TMEM178B: variants seen among roughly 807,000 people sequenced by gnomAD.
The protein encoded by TMEM178B is transmembrane protein 178B.
Under a neutral mutation model 31.0 loss-of-function variants are expected in TMEM178B, and 5 were observed. The ratio of observed to expected loss-of-function variants is 0.16; its 90% CI spans 0.08 to 0.34. The LOEUF (loss-of-function observed/expected upper bound fraction) is 0.34, where lower values mean the gene tolerates loss of function less well. Among genes scored for constraint, TMEM178B ranks in the 10% least tolerant of loss-of-function variants. TMEM178B has a pLI of 1.00. For missense variants in TMEM178B, 275 were observed against 400.3 expected, an observed-to-expected ratio of 0.69 and a Z score of 2.67; for synonymous variants, 164 against 164.0, an observed-to-expected ratio of 1.00 and a Z score of 0.00.
At chr7:141,288,568 C>G (rs778185020) in intron 2 of TMEM178B, among the ~76,000 whole-genome samples, 1 of 152,080 alleles carries the variant, frequency 6.6e-6, no homozygotes, top group African/African-American at 2.4e-5. Context: ...TCTGGCATCT[C>G]TCTTACATCT....
At chr7:141,154,734 T>G (rs1399926017) in intron 1 of TMEM178B, among the ~76,000 whole-genome samples, 1 of 150,902 alleles carries the variant, frequency 6.6e-6, no homozygotes, top group African/African-American at 2.4e-5. Context: ...TTGTTAACTT[T>G]TTTTTTTTTT....
chr7:141,501,797 C>T, the TMEM178B span, among the ~76,000 whole-genome samples: 1 of 152,126 alleles, frequency 6.6e-6, no homozygotes. Context: ...TTTGGACTTG[C>T]CCCAGCCTCC....
At chr7:141,083,853 G>T (rs965376636) in intron 1 of TMEM178B, among the ~76,000 whole-genome samples, 3 of 150,588 alleles carry the variant, frequency 2.0e-5, no homozygotes, top group Non-Finnish European at 4.4e-5. Flanking sequence ...GGAATACTTC[G>T]TAGCCAAGGC....
intron 2 of TMEM178B, among the ~76,000 whole-genome samples, chr7:141,398,604 A>G (rs1201905464): frequency 1.3e-5 from 2 of 152,214 alleles, no homozygotes; most frequent in Admixed American, 6.5e-5. Flanking sequence ...TCACTGGGAC[A>G]TCTGCAAGAG....
chr7:141,117,558 G>A (rs1795339020), intron 1 of TMEM178B, among the ~76,000 whole-genome samples: 1 of 152,102 alleles, frequency 6.6e-6, no homozygotes, highest in Admixed American at 6.6e-5. Context: ...ATTGCTTTTG[G>A]TGTTTTAGTC....
At chr7:141,346,316 G>A (rs906933645) in intron 2 of TMEM178B, among the ~76,000 whole-genome samples, 2 of 152,088 alleles carry the variant, frequency 1.3e-5, no homozygotes, top group African/African-American at 2.4e-5. Context: ...ATAGAAAATT[G>A]GATAGAGAAA....
intron 2 of TMEM178B, among the ~76,000 whole-genome samples, chr7:141,393,919 C>T (rs1486511937): frequency 6.6e-6 from 1 of 152,082 alleles, no homozygotes; most frequent in East Asian, 1.9e-4. Context: ...TATTTCTTTT[C>T]TTCTTTAGAC....
Position 141,471,862 on chromosome 7 carries a change from T to G in TMEM178B, c.*1076T>G, listed in dbSNP as rs1237665040. On this transcript the variant is annotated 3_prime_UTR_variant, in exon 4 of 4. Coordinates refer to ENST00000565468, the MANE Select transcript of TMEM178B (RefSeq NM_001195278.2). The surrounding 1 kb of genome is among the most constrained non-coding windows in gnomAD (Gnocchi z 4.1). ...TGGGGTTTTATTGTTTGTGTTGTGT[T>G]TTTTTAAATTGTTTCTGGTATAGCT... 6.6e-6 allele frequency: 1 copy of G among 152,082 alleles called. No individual in the cohort carries two copies. Among genetic ancestry groups the G allele is most frequent in the Non-Finnish European group, 1.5e-5 (1 of 68,192 alleles). The allele number at this position is 152,082 out of a possible 1,614,324, so 9.4% of individuals were successfully genotyped here. A position where few individuals can be genotyped will look rare whatever the true frequency, so the allele number is the denominator to read the frequency against.
Position 141,171,675 on chromosome 7 carries a change from C to T in TMEM178B, c.383-40916C>T, listed in dbSNP as rs1273197087. 6.6e-6 allele frequency among the ~76,000 whole-genome samples: 1 copy of T among 152,166 alleles called. No individual in the cohort carries two copies. The highest frequency in any genetic ancestry group is 1.9e-4 in the East Asian group (1 of 5,192). On this transcript the variant is annotated intron_variant, in intron 1 of 3. Transcript: ENST00000565468. This position sits in a 1 kb window ranked among gnomAD's most constrained non-coding sequence, Gnocchi z 4.3. ...GACAGAGGGGATGGCTGTGGTGTCA[C>T]AGCAGAGAGCCAGCAGACAAAGACA...
chr7:141,190,877 A>G (rs961818023), intron 1 of TMEM178B, among the ~76,000 whole-genome samples: 1 of 152,130 alleles, frequency 6.6e-6, no homozygotes, highest in African/African-American at 2.4e-5. Flanking sequence ...GCATATACCT[A>G]TTCATCTATA....
intron 1 of TMEM178B, among the ~76,000 whole-genome samples, chr7:141,082,015 C>G (rs1390013062): frequency 1.3e-5 from 2 of 152,192 alleles, no homozygotes; most frequent in African/African-American, 2.4e-5. Context: ...GTTATAATTG[C>G]CTACAGTATT....
downstream of TMEM178B, among the ~76,000 whole-genome samples, chr7:141,482,379 T>A (rs931445076): frequency 1.3e-5 from 2 of 152,202 alleles, no homozygotes; most frequent in Admixed American, 6.5e-5. Flanking sequence ...CTCATGGTGC[T>A]TAGCACCTCT....
In TMEM178B at chr7:141,421,675, G is replaced by C. The variant is rs142635304; in HGVS notation, c.497-15933G>C. Among the ~76,000 whole-genome samples the C allele has an allele frequency of 5.9e-5, 9 of 152,202 alleles. No individual in the cohort carries two copies. The East Asian group carries it at 1.2e-3, about 20-fold the overall frequency. On this transcript the variant is annotated intron_variant, in intron 2 of 3. Transcript: ENST00000565468. ...GAGGATTTAAATGTGACAATGTATA[G>C]AAAATTCTTAGAACATGCCTAGCAC...
chr7:141,430,900 C>G (rs533912094), intron 2 of TMEM178B, among the ~76,000 whole-genome samples: 2 of 152,246 alleles, frequency 1.3e-5, no homozygotes, highest in South Asian at 4.2e-4. Context: ...GAATGAATGT[C>G]CGGCTCTCAG....
chr7:141,493,207 C>T, the TMEM178B span, among the ~76,000 whole-genome samples: 3 of 152,284 alleles, frequency 2.0e-5, no homozygotes, highest in East Asian at 1.9e-4. Flanking sequence ...TCTCTCCCCT[C>T]CTCACGACCC....
intron 3 of TMEM178B, among the ~76,000 whole-genome samples, chr7:141,447,598 C>G (rs887055213): frequency 6.6e-5 from 10 of 152,090 alleles, no homozygotes; most frequent in Non-Finnish European, 1.0e-4. Flanking sequence ...GGCTTCTTTC[C>G]TGGGCAATCA....
chr7:141,375,210 G>A (rs1800191800), intron 2 of TMEM178B, among the ~76,000 whole-genome samples: 2 of 152,134 alleles, frequency 1.3e-5, no homozygotes, highest in South Asian at 4.1e-4. Flanking sequence ...TAATAATTAG[G>A]AGTAAATTAT....
intron 2 of TMEM178B, among the ~76,000 whole-genome samples, chr7:141,413,714 A>G (rs1447314625): frequency 6.6e-6 from 1 of 152,256 alleles, no homozygotes; most frequent in Non-Finnish European, 1.5e-5. Flanking sequence ...GATGCTGAAA[A>G]GAGCTGTTTG....
chr7:141,201,159 C>T (rs1030214251), intron 1 of TMEM178B, among the ~76,000 whole-genome samples: 4 of 152,192 alleles, frequency 2.6e-5, no homozygotes, highest in Non-Finnish European at 2.9e-5. Flanking sequence ...ACCACGTCGG[C>T]GCCATCCCCT....
Sources: gnomAD v4.1 joint callset for allele counts (sites outside exome capture counted in the v4.1 genomes callset) on GRCh38, gnomAD v4.1.1 for gene constraint, Gnocchi (gnomAD v3.1) non-coding constraint, MANE v1.5 for transcripts, NCBI Gene and HGNC (gene_info 2026-07-23, HGNC 2026-07-21) for gene names.